The following TOR1A variants were observed in gnomAD, a reference collection of about 807,000 sequenced individuals.
The protein encoded by TOR1A is torsin-1A.
In TOR1A, 18 loss-of-function variants were observed where a neutral mutation model predicts 31.4. The ratio of observed to expected loss-of-function variants is 0.57; its 90% CI spans 0.40 to 0.85. The LOEUF (loss-of-function observed/expected upper bound fraction) is 0.85, where lower values mean the gene tolerates loss of function less well. Among genes scored for constraint, TOR1A ranks in the 40% least tolerant of loss-of-function variants. TOR1A has a pLI of 0.00. For missense variants in TOR1A, 375 were observed against 416.4 expected (o/e 0.90, Z 0.87); for synonymous variants, 168 against 165.9 (o/e 1.01, Z -0.10).
chr9:129,818,344 A>G, intron 4 of TOR1A, 176 bp downstream of exon 4: 1 of 956,978 alleles, frequency 1.0e-6, no homozygotes, highest in Non-Finnish European at 1.6e-6. Flanking sequence ...TAGTGTTCAT[A>G]AAAGTTACCT....
At position 129,814,007 on chromosome 9, in the gene TOR1A, C is replaced by T. The variant is rs2030965160; in HGVS notation, c.964G>A (p.Val322Met). ...TAGTAATAATCTAACTTGGTGAACACCGTTTTGCAGCCTTTATCTGAGAAA... is the reference window on the plus strand; with the variant it reads ...TAGTAATAATCTAACTTGGTGAACATCGTTTTGCAGCCTTTATCTGAGAAA... ...RVFSDKGCKT[V>M]FTKLDYYYDD Residue 322 changes from valine (V) to methionine (M), a missense_variant, in exon 5 of 5, where the codon GTG (valine) becomes ATG (methionine). By Grantham distance (21) the Val-to-Met change is conservative. Transcript: ENST00000351698. The T allele has an allele frequency of 6.2e-7, 1 of 1,614,062 alleles. No homozygotes were observed. The highest frequency in any genetic ancestry group is 1.3e-5 in the African/African-American group (1 of 74,900).
At chr9:129,822,505 C>A (rs2031208406) in intron 2 of TOR1A, 76 bp downstream of exon 2, 1 of 1,592,666 alleles carries the variant, frequency 6.3e-7, no homozygotes, top group Admixed American at 1.7e-5. Flanking sequence ...ACATAGAACT[C>A]CCAAATCTCA....
At position 129,814,032 on chromosome 9, in the gene TOR1A, A is replaced by C; in HGVS notation, c.939T>G (p.Val313=). The C allele has an allele frequency of 6.2e-7, 1 of 1,613,960 alleles. No homozygotes were observed. Among genetic ancestry groups the C allele is most frequent in the Admixed American group, 1.7e-5 (1 of 60,000 alleles). ...EMTFFPKEER[V]FSDKGCKTVF... ...CCGTTTTGCAGCCTTTATCTGAGAA[A>C]ACTCTCTCCTCTTTGGGGAAAAATG... Residue 313 remains valine (V), a synonymous_variant, in exon 5 of 5, where the codon GTT becomes GTG. Coordinates refer to ENST00000351698, the MANE Select transcript of TOR1A (RefSeq NM_000113.3).
chr9:129,816,330 A>G (rs972166450), intron 4 of TOR1A, among the ~76,000 whole-genome samples: 3 of 152,056 alleles, frequency 2.0e-5, no homozygotes, highest in Non-Finnish European at 2.9e-5. Context: ...CCTGAACCCC[A>G]AAGCCTTTCT....
At position 129,814,198 on chromosome 9, in the gene TOR1A, A is replaced by G. The variant is rs772815759; in HGVS notation, c.773T>C (p.Ile258Thr). The G allele has an allele frequency of 5.6e-6, 9 of 1,614,034 alleles. No individual in the cohort carries two copies. Among genetic ancestry groups the G allele is most frequent in the African/African-American group, 1.3e-5 (1 of 74,894 alleles). Reference sequence around the variant, plus strand: ...AAAATAATCAATGAGGTTCCGGTCAATTAAGCTGCTGTGCCAGAAGCCACC... The same window carrying G: ...AAAATAATCAATGAGGTTCCGGTCAGTTAAGCTGCTGTGCCAGAAGCCACC... ...KNSGFWHSSL[I>T]DRNLIDYFVP... Residue 258 changes from isoleucine (I) to threonine (T), a missense_variant, in exon 5 of 5, where the codon ATT becomes ACT. Physicochemically the swap from Ile to Thr is moderately conservative, Grantham distance 89. Coordinates refer to ENST00000351698, the MANE Select transcript of TOR1A (RefSeq NM_000113.3).
At position 129,814,675 on chromosome 9, in the gene TOR1A, T is replaced by G. The variant is rs150328437; in HGVS notation, c.749-453A>C. Among the ~76,000 whole-genome samples the G allele has an allele frequency of 2.5e-3, 382 of 150,206 alleles. 2 individuals are homozygous for G. Among genetic ancestry groups the G allele is most frequent in the African/African-American group, 9.0e-3 (368 of 40,754 alleles). Reference sequence around the variant, plus strand: ...GCCTCCCAAGGTATGACTTAAGAGATCGAAGATGGGAAAGAGGTCCTGGGG... The same window carrying G: ...GCCTCCCAAGGTATGACTTAAGAGAGCGAAGATGGGAAAGAGGTCCTGGGG... On this transcript the variant is annotated intron_variant, in intron 4 of 4. Coordinates refer to ENST00000351698, the MANE Select transcript of TOR1A (RefSeq NM_000113.3).
chr9:129,815,773 C>T lies in TOR1A; in HGVS notation c.749-1551G>A, dbSNP rs10988525. On this transcript the variant is annotated intron_variant, in intron 4 of 4. Transcript: ENST00000351698. ...TGTCCCTTCCCTTCAATGGCAGTGC[C>T]ACCCTTCCCATCGCTCAAGCCAGGT... Among the ~76,000 whole-genome samples the T allele has an allele frequency of 8.8e-3, 1,342 of 152,338 alleles. 9 individuals are homozygous for T. Among genetic ancestry groups the T allele is most frequent in the Non-Finnish European group, 0.014 (926 of 68,026 alleles).
In TOR1A at chr9:129,818,755, T is replaced by C. The variant is rs2031105569; in HGVS notation, c.610A>G (p.Ile204Val). ...TAGCCCTGACCTTACCTGAGAAATATGAACATGGCTTTCTGGTAGGAGACC... is the reference window on the plus strand; with the variant it reads ...TAGCCCTGACCTTACCTGAGAAATACGAACATGGCTTTCTGGTAGGAGACC... Reference protein sequence around the residue: ...DGVSYQKAMFIFLSNAGAERI... With the variant: ...DGVSYQKAMFVFLSNAGAERI... The change falls in exon 3 of 5, where the codon ATA becomes GTA. Residue 204 changes from isoleucine (I) to valine (V), a missense_variant. By Grantham distance (29) the Ile-to-Val change is conservative (BLOSUM62 3). Transcript: ENST00000351698. The C allele has an allele frequency of 1.9e-6, 3 of 1,613,358 alleles. No individual in the cohort carries two copies. Among genetic ancestry groups the C allele is most frequent in the Non-Finnish European group, 2.5e-6 (3 of 1,180,026 alleles).
In TOR1A at chr9:129,818,399, G is replaced by A. The variant is rs2031093571; in HGVS notation, c.748+121C>T. On this transcript the variant is annotated intron_variant, in intron 4 of 4. Coordinates refer to ENST00000351698, the MANE Select transcript of TOR1A (RefSeq NM_000113.3). ...TCCCCTCATGACTCGGAAGGGGACT[G>A]AGAATCTGCATTTCTTTCTACCCAG... 1.1e-5 allele frequency: 16 copies of A among 1,490,876 alleles called. 1 individual carries two copies. Among genetic ancestry groups the A allele is most frequent in the Non-Finnish European group, 1.5e-5 (16 of 1,079,640 alleles). The allele number at this position is 1,490,876 out of a possible 1,614,324, so 92.4% of individuals were successfully genotyped here. A position where few individuals can be genotyped will look rare whatever the true frequency, so the allele number is the denominator to read the frequency against.
In TOR1A at chr9:129,822,826, C is replaced by G; in HGVS notation, c.199G>C (p.Asp67His). 2 of 1,614,164 alleles carry G rather than the reference C, an allele frequency of 1.2e-6. No homozygotes were observed. The highest frequency in any genetic ancestry group is 1.7e-6 in the Non-Finnish European group (2 of 1,180,022). Reference protein sequence around the residue: ...SREALQKDLDDNLFGQHLAKK... With the variant: ...SREALQKDLDHNLFGQHLAKK... ...GCAAGATGCTGTCCAAAGAGGTTGT[C>G]GTCCAGATCCTTCTGCAGTGCTGGG... is the stretch of plus-strand genomic sequence containing the variant. The change falls in exon 2 of 5, where the codon GAC becomes CAC. Residue 67 changes from aspartate (D) to histidine (H), a missense_variant. By Grantham distance (81) the Asp-to-His change is moderately conservative. Coordinates refer to ENST00000351698, the MANE Select transcript of TOR1A (RefSeq NM_000113.3).
At chr9:129,817,718 CA>C (rs1258095961) in intron 4 of TOR1A, among the ~76,000 whole-genome samples, 1 of 146,098 alleles carries the variant, frequency 6.8e-6, no homozygotes, top group Non-Finnish European at 1.5e-5. Context: ...AAAAAAACAG[CA>C]GGCCAGGTAT....
At chr9:129,823,834 G>T in intron 1 of TOR1A, 74 bp downstream of exon 1, 1 of 1,501,992 alleles carries the variant, frequency 6.7e-7, no homozygotes, top group Admixed American at 2.0e-5. Flanking sequence ...TCCATGCCCT[G>T]GTCCTAGTTC....
intron 1 of TOR1A, 49 bp downstream of exon 1, chr9:129,823,859 C>T (rs1315465317): frequency 2.6e-6 from 4 of 1,535,202 alleles, no homozygotes; most frequent in African/African-American, 2.8e-5. Flanking sequence ...CTAGTGCCAT[C>T]GCCCAGCCCC....
chr9:129,821,254 G>A (rs530914714), intron 2 of TOR1A: 1 of 152,274 alleles, frequency 6.6e-6, no homozygotes, highest in African/African-American at 2.4e-5. Context: ...GGTGAGCCGA[G>A]ATCAAGATCC....
At chr9:129,817,838 CAAAAAA>C (rs760010551) in intron 4 of TOR1A, among the ~76,000 whole-genome samples, 17 of 45,736 alleles carry the variant, frequency 3.7e-4, no homozygotes, top group South Asian at 1.4e-3. Context: ...CAGTCTCTAC[CAAAAAA>C]AAAAAAAAAA....
At chr9:129,819,941 AAT>A (rs1450392627) in intron 2 of TOR1A, among the ~76,000 whole-genome samples, 22 of 144,034 alleles carry the variant, frequency 1.5e-4, no homozygotes, top group South Asian at 8.8e-4. Flanking sequence ...AAAAAAAAAA[AAT>A]AATAATAATA....
chr9:129,816,717 G>T (rs1412954295), intron 4 of TOR1A, among the ~76,000 whole-genome samples: 1 of 152,232 alleles, frequency 6.6e-6, no homozygotes, highest in African/African-American at 2.4e-5. Flanking sequence ...CCACAGCGTG[G>T]ATTCTAGGCC....
rs3842225 is a variant in TOR1A, at chr9:129,813,147, GC to G, written c.*824del. The G allele has an allele frequency of 0.17, 25,172 of 152,248 alleles. 2,569 individuals carry two copies. The highest frequency in any genetic ancestry group is 0.22 in the Non-Finnish European group (14,870 of 68,040). 9.4% of individuals were successfully genotyped at this position (152,248 alleles called of 1,614,324 possible). On this transcript the variant is annotated 3_prime_UTR_variant, in exon 5 of 5. Transcript: ENST00000351698. Reference sequence around the variant, plus strand: ...AGAATCCAGCAGAGAGCACGTGTGGGCTATTTGGAATGGACAGTGAAGGGCC... The same window carrying G: ...AGAATCCAGCAGAGAGCACGTGTGGGTATTTGGAATGGACAGTGAAGGGCC...
chr9:129,817,249 C>T (rs1030154621), intron 4 of TOR1A, among the ~76,000 whole-genome samples: 1 of 152,154 alleles, frequency 6.6e-6, no homozygotes, highest in Non-Finnish European at 1.5e-5. Context: ...GTGCCCAGTA[C>T]AAAATAAGGG....
Sources: allele counts gnomAD v4.1 joint callset (sites outside exome capture counted in the v4.1 genomes callset), GRCh38; gene constraint gnomAD v4.1.1; transcripts MANE v1.5; gene names NCBI Gene and HGNC (gene_info 2026-07-23, HGNC 2026-07-21).